Variants in CDR2L observed in about 807,000 individuals in gnomAD.
CDR2L encodes the protein cerebellar degeneration related protein 2 like, also known as cerebellar degeneration-related protein 2-like.
In CDR2L, 19 loss-of-function variants were observed where a neutral mutation model predicts 36.1. The observed-to-expected ratio is 0.53, with a 90% CI of 0.37 to 0.77. CDR2L has a LOEUF of 0.77. Ranked by LOEUF, CDR2L falls within the 30% of genes least tolerant of loss-of-function variation. CDR2L has a pLI of 0.00. For missense variants in CDR2L, 575 were observed against 627.2 expected, an observed-to-expected ratio of 0.92 and a Z score of 0.89; for synonymous variants, 285 against 280.4, an observed-to-expected ratio of 1.02 and a Z score of -0.16.
chr17:74,992,386 T>C (rs1329288314), intron 1 of CDR2L, among the ~76,000 whole-genome samples: 3 of 151,230 alleles, frequency 2.0e-5, no homozygotes, highest in Non-Finnish European at 4.4e-5. Flanking sequence ...ACCTGCACAG[T>C]TCAAACCCAT....
chr17:75,003,257 GGCTGCAGACCCTGGTGGGGGC>G lies in CDR2L; in HGVS notation c.587_607del (p.Gln196_Leu202del), dbSNP rs1567976026. ...CGGCCCCTGGAGCAGGAGAACGAGCGGCTGCAGACCCTGGTGGGGGCGCTGCGCTCCCAGGTGAGCCAGGAG... is the reference window on the plus strand; with the variant it reads ...CGGCCCCTGGAGCAGGAGAACGAGCGGCTGCGCTCCCAGGTGAGCCAGGAG... On this transcript the variant is annotated inframe_deletion, in exon 5 of 5. Coordinates refer to ENST00000337231, the MANE Select transcript of CDR2L (RefSeq NM_014603.3). 6.4e-7 allele frequency: 1 copy of G among 1,560,670 alleles called. No individual in the cohort carries two copies. The highest frequency in any genetic ancestry group is 8.7e-7 in the Non-Finnish European group (1 of 1,153,336).
At chr17:74,995,067 C>A (rs1269629351) in intron 1 of CDR2L, among the ~76,000 whole-genome samples, 5 of 140,218 alleles carry the variant, frequency 3.6e-5, no homozygotes, top group African/African-American at 1.1e-4. Flanking sequence ...GAGACTCAGT[C>A]TCAAAAAAAA....
At chr17:74,988,242 C>A in intron 1 of CDR2L, 120 bp downstream of exon 1, 2 of 598,708 alleles carry the variant, frequency 3.3e-6, no homozygotes, top group Non-Finnish European at 5.4e-6. Flanking sequence ...GCGCCCGACT[C>A]GGAGGAGGGA....
chr17:74,991,522 C>A (rs2039796866), intron 1 of CDR2L, among the ~76,000 whole-genome samples: 1 of 151,624 alleles, frequency 6.6e-6, no homozygotes, highest in Non-Finnish European at 1.5e-5. Context: ...TCGAAACCAT[C>A]CTGGCTAACA....
Position 75,004,819 on chromosome 17 carries a change from G to C in CDR2L, c.*745G>C, listed in dbSNP as rs2039893586. On this transcript the variant is annotated 3_prime_UTR_variant, in exon 5 of 5. Coordinates refer to ENST00000337231, the MANE Select transcript of CDR2L (RefSeq NM_014603.3). The stretch of plus-strand genomic sequence containing the variant: ...AGTGGTGCAGTTTCGCTCAGAGCTT[G>C]TCTCCTTGGCTTCCAACCCCAGAAA... The C allele has an allele frequency of 6.5e-6, 1 of 153,092 alleles. No homozygotes were observed. Among genetic ancestry groups the C allele is most frequent in the Non-Finnish European group, 1.5e-5 (1 of 68,580 alleles). The allele number at this position is 153,092 out of a possible 1,614,324, so 9.5% of individuals were successfully genotyped here.
rs1253192281 is a variant in CDR2L, at chr17:75,001,567, A to G, written c.341+78A>G. 1.4e-5 allele frequency: 18 copies of G among 1,294,054 alleles called. No homozygotes were observed. The highest frequency in any genetic ancestry group is 1.8e-5 in the Non-Finnish European group (18 of 977,930). The allele number at this position is 1,294,054 out of a possible 1,614,324, so 80.2% of individuals were successfully genotyped here. On this transcript the variant is annotated intron_variant, in intron 3 of 4. Transcript: ENST00000337231. The stretch of plus-strand genomic sequence containing the variant: ...AGTGTACACAGGGGCCCATGGACTG[A>G]TGGGTGTGACTTGTGCACGTCTCCC...
rs577204171 is a variant in CDR2L, at chr17:74,999,975, A to G, written c.192+359A>G. Reference sequence around the variant, plus strand: ...CCATTTTTAAGCCCCACTCAGCTGAAGACAAATACATCAAAGCAAACTTGT... The same window carrying G: ...CCATTTTTAAGCCCCACTCAGCTGAGGACAAATACATCAAAGCAAACTTGT... On this transcript the variant is annotated intron_variant, in intron 2 of 4. Transcript: ENST00000337231. 5.3e-5 allele frequency among the ~76,000 whole-genome samples: 8 copies of G among 152,254 alleles called. No individual in the cohort carries two copies. In the East Asian group the frequency reaches 1.6e-3, roughly 30 times the overall value.
intron 1 of CDR2L, among the ~76,000 whole-genome samples, chr17:74,993,758 C>T (rs2144858299): frequency 6.6e-6 from 1 of 152,272 alleles, no homozygotes; most frequent in South Asian, 2.1e-4. Flanking sequence ...TTTTTTCAGG[C>T]TAAGTTACTG....
intron 1 of CDR2L, among the ~76,000 whole-genome samples, chr17:74,997,677 A>T (rs1203721646): frequency 2.0e-5 from 3 of 151,964 alleles, no homozygotes; most frequent in African/African-American, 7.3e-5. Flanking sequence ...GCTTGAGGCC[A>T]GGAGTTCAAT....
intron 1 of CDR2L, among the ~76,000 whole-genome samples, chr17:74,988,372 C>A (rs1000833768): frequency 2.0e-5 from 3 of 152,152 alleles, no homozygotes; most frequent in Non-Finnish European, 4.4e-5. Context: ...CCCAGACGAC[C>A]GGGCATCCGT....
rs953692555 is a variant in CDR2L, at chr17:75,001,508, G to A, written c.341+19G>A. ...TCCATGGGTGAGGGCCCGGCTGAGG[G>A]CTGGGGGGCGGGCGAGGGAGAGCCC... On this transcript the variant is annotated intron_variant, in intron 3 of 4. Transcript: ENST00000337231. 15 of 1,517,246 alleles carry A rather than the reference G, an allele frequency of 9.9e-6. No individual in the cohort carries two copies. In the Middle Eastern group the frequency reaches 5.4e-4, roughly 54 times the overall value. 94.0% of individuals were successfully genotyped at this position (1,517,246 alleles called of 1,614,324 possible).
At position 75,001,405 on chromosome 17, in the gene CDR2L, A is replaced by C; in HGVS notation, c.257A>C (p.Gln86Pro). 3.7e-6 allele frequency: 6 copies of C among 1,611,330 alleles called. No individual in the cohort carries two copies. Among genetic ancestry groups the C allele is most frequent in the Non-Finnish European group, 5.1e-6 (6 of 1,179,068 alleles). Residue 86 changes from glutamine to proline, a missense_variant, in exon 3 of 5, where the codon CAG becomes CCG. By Grantham distance (76) the Gln-to-Pro change is moderately conservative (BLOSUM62 -1). Transcript: ENST00000337231. ...VNEQHAKVYE[Q>P]LDLTARDLEL... is the part of the protein sequence containing the mutation. The stretch of plus-strand genomic sequence containing the variant: ...GAGCAGCACGCCAAAGTCTATGAGC[A>C]GCTGGACCTGACAGCCCGGGACCTG...
At position 74,995,991 on chromosome 17, in the gene CDR2L, CT is replaced by C. The variant is rs113729536; in HGVS notation, c.80-3501del. 3.4e-3 allele frequency among the ~76,000 whole-genome samples: 502 copies of C among 146,008 alleles called. 2 individuals are homozygous for C. Among genetic ancestry groups the C allele is most frequent in the Middle Eastern group, 0.014 (4 of 280 alleles). The stretch of plus-strand genomic sequence containing the variant: ...CGTCTCTGGATTAAGCTGCCTAAAT[CT>C]TTTTTTTTTTTGACAGATTTATTGA... On this transcript the variant is annotated intron_variant, in intron 1 of 4. Transcript: ENST00000337231.
At position 75,001,544 on chromosome 17, in the gene CDR2L, T is replaced by C. The variant is rs1055812460; in HGVS notation, c.341+55T>C. The C allele has an allele frequency of 2.0e-5, 28 of 1,429,334 alleles. No individual in the cohort carries two copies. In the African/African-American group the frequency reaches 3.7e-4, roughly 19 times the overall value. The allele number at this position is 1,429,334 out of a possible 1,614,324, so 88.5% of individuals were successfully genotyped here. On this transcript the variant is annotated intron_variant, in intron 3 of 4. Transcript: ENST00000337231. ...GGCGAGGGAGAGCCCCAGGGCTGAG[T>C]GTACACAGGGGCCCATGGACTGATG...
chr17:74,994,859 A>C (rs1453675101), intron 1 of CDR2L, among the ~76,000 whole-genome samples: 1 of 152,048 alleles, frequency 6.6e-6, no homozygotes, highest in Non-Finnish European at 1.5e-5. Context: ...TCACGAGGTC[A>C]AGAGATCGAG....
In CDR2L at chr17:75,002,053, C is replaced by T; in HGVS notation, c.342-11C>T. The T allele has an allele frequency of 6.4e-7, 1 of 1,565,294 alleles. No individual in the cohort carries two copies. Among genetic ancestry groups the T allele is most frequent in the African/African-American group, 1.4e-5 (1 of 72,824 alleles). On this transcript the variant is annotated splice_polypyrimidine_tract_variant and intron_variant, in intron 3 of 4. Transcript: ENST00000337231. This position sits in a 1 kb window ranked among gnomAD's most constrained non-coding sequence, Gnocchi z 4.1. ...CTTAAAGTCCCTGTGTGTCCACCAC[C>T]CCGCCCCCAGGCTGACGGAGACCAT... is the stretch of plus-strand genomic sequence containing the variant.
intron 1 of CDR2L, among the ~76,000 whole-genome samples, chr17:74,988,326 G>A (rs2039776281): frequency 6.6e-6 from 1 of 152,168 alleles, no homozygotes; most frequent in Non-Finnish European, 1.5e-5. Flanking sequence ...GCGGAGACCT[G>A]CAAAAGTGGG....
At position 75,003,164 on chromosome 17, in the gene CDR2L, G is replaced by C; in HGVS notation, c.507-19G>C. ...CTCTCCTCCGCCCCCACCCCGCTGC[G>C]ACTCTCACTACCCGCCAGGTGCAAG... On this transcript the variant is annotated intron_variant, in intron 4 of 4. Coordinates refer to ENST00000337231, the MANE Select transcript of CDR2L (RefSeq NM_014603.3). 1 of 1,554,060 alleles carries C rather than the reference G, an allele frequency of 6.4e-7. No homozygotes were observed. Among genetic ancestry groups the C allele is most frequent in the Non-Finnish European group, 8.7e-7 (1 of 1,149,804 alleles).
Position 75,004,086 on chromosome 17 carries a change from C to T in CDR2L, c.*12C>T, listed in dbSNP as rs759608011. 1 of 1,589,308 alleles carries T rather than the reference C, an allele frequency of 6.3e-7. No homozygotes were observed. Among genetic ancestry groups the T allele is most frequent in the African/African-American group, 1.3e-5 (1 of 74,578 alleles). ...ACAGCAGCAAGTGACCCTTCTCCGG[C>T]CTGCAGCCTCCCCCAGGGTGGAAGC... On this transcript the variant is annotated 3_prime_UTR_variant, in exon 5 of 5. Coordinates refer to ENST00000337231, the MANE Select transcript of CDR2L (RefSeq NM_014603.3).
Sources: allele counts gnomAD v4.1 joint callset (sites outside exome capture counted in the v4.1 genomes callset), GRCh38; gene constraint gnomAD v4.1.1; non-coding constraint Gnocchi (gnomAD v3.1); transcripts MANE v1.5; gene names NCBI Gene and HGNC (gene_info 2026-07-23, HGNC 2026-07-21).